The following AIM2 variants were observed in gnomAD, a reference collection of about 807,000 sequenced individuals.
The protein encoded by AIM2 is interferon-inducible protein AIM2.
AIM2 carries 30 observed loss-of-function variants against 27.7 expected under a neutral mutation model. That is an observed-to-expected ratio of 1.08 (90% CI 0.81 to 1.47). AIM2 has a LOEUF of 1.47. Ranked by LOEUF, AIM2 falls within the 40% of genes most tolerant of loss-of-function variation. The probability of loss-of-function intolerance (pLI) is 0.00; values close to 1 mark genes in which losing one functional copy is unlikely to be tolerated. For synonymous variants in AIM2, 141 were observed against 145.3 expected (o/e 0.97, Z 0.21); for missense variants, 358 against 411.3 (o/e 0.87, Z 1.12).
At chr1:159,116,498 C>T (rs1443207135) in intron 1 of AIM2, among the ~76,000 whole-genome samples, 1 of 152,096 alleles carries the variant, frequency 6.6e-6, no homozygotes, top group Non-Finnish European at 1.5e-5. Flanking sequence ...GAATACTATG[C>T]AGCCATAAAA....
At chr1:159,103,895 A>T (rs2102020919) in intron 1 of AIM2, among the ~76,000 whole-genome samples, 1 of 152,268 alleles carries the variant, frequency 6.6e-6, no homozygotes, top group Admixed American at 6.5e-5. Flanking sequence ...AGATTTAAAA[A>T]GTAATTGCAG....
intron 1 of AIM2, among the ~76,000 whole-genome samples, chr1:159,099,487 A>G (rs1029035796): frequency 4.6e-5 from 7 of 152,076 alleles, no homozygotes; most frequent in Non-Finnish European, 1.0e-4. Flanking sequence ...GTCACCATAG[A>G]CCTACTTTGT....
At chr1:159,121,618 G>T in intron 1 of AIM2, among the ~76,000 whole-genome samples, 1 of 152,084 alleles carries the variant, frequency 6.6e-6, no homozygotes, top group South Asian at 2.1e-4. Flanking sequence ...TTGGTTTTAG[G>T]TAGAAACCAC....
chr1:159,087,326 T>A (rs201252161), intron 1 of AIM2, among the ~76,000 whole-genome samples: 13 of 146,918 alleles, frequency 8.8e-5, no homozygotes, highest in Non-Finnish European at 9.0e-5. Context: ...GAGGTTGTGA[T>A]AAAAAAAAAA....
At chr1:159,132,765 T>C (rs1353809913) in intron 1 of AIM2, among the ~76,000 whole-genome samples, 1 of 152,204 alleles carries the variant, frequency 6.6e-6, no homozygotes, top group East Asian at 1.9e-4. Context: ...GAATTGCATC[T>C]GTTTATAAGA....
At chr1:159,059,673 T>C (rs1317933199), downstream of AIM2, among the ~76,000 whole-genome samples, 2 of 152,146 alleles carry the variant, frequency 1.3e-5, no homozygotes, top group East Asian at 1.9e-4. Context: ...TTGGAGTTAG[T>C]GTCATTTAGG....
At chr1:159,088,911 A>G (rs1014568480) in intron 1 of AIM2, among the ~76,000 whole-genome samples, 1 of 152,178 alleles carries the variant, frequency 6.6e-6, no homozygotes, top group Admixed American at 6.5e-5. Context: ...TTCTTTATAA[A>G]TTACCCAGTT....
chr1:159,146,233 C>T (rs1360423331), intron 1 of AIM2, among the ~76,000 whole-genome samples: 5 of 152,106 alleles, frequency 3.3e-5, no homozygotes, highest in South Asian at 2.1e-4. Context: ...CATGTCCCAT[C>T]AGATCTTTCT....
intron 1 of AIM2, among the ~76,000 whole-genome samples, chr1:159,102,799 T>C (rs1176791695): frequency 6.6e-6 from 1 of 152,240 alleles, no homozygotes; most frequent in Non-Finnish European, 1.5e-5. Flanking sequence ...TGTACCCTTA[T>C]TGAATCTAAG....
chr1:159,058,093 C>G (rs1272088881), downstream of AIM2, among the ~76,000 whole-genome samples: 1 of 152,142 alleles, frequency 6.6e-6, no homozygotes, highest in African/African-American at 2.4e-5. Context: ...GTGGCTCATG[C>G]CTCTAGACCC....
intron 1 of AIM2, among the ~76,000 whole-genome samples, chr1:159,110,726 C>T (rs866137982): frequency 6.6e-6 from 1 of 152,170 alleles, no homozygotes; most frequent in East Asian, 1.9e-4. Context: ...TTCTCTATTT[C>T]CTGCCCCTCT....
intron 1 of AIM2, among the ~76,000 whole-genome samples, chr1:159,125,609 C>T (rs917494599): frequency 6.6e-6 from 1 of 152,178 alleles, no homozygotes; most frequent in African/African-American, 2.4e-5. Context: ...AAATCTGCTA[C>T]TTAGAAGCTA....
At chr1:159,092,522 G>A (rs749534247) in intron 1 of AIM2, among the ~76,000 whole-genome samples, 3 of 152,168 alleles carry the variant, frequency 2.0e-5, no homozygotes, top group Non-Finnish European at 4.4e-5. Flanking sequence ...TGAAGGGTAA[G>A]GTGGGAGAGG....
chr1:159,126,648 CAAAAAA>C (rs35354479), intron 1 of AIM2, among the ~76,000 whole-genome samples: 1 of 113,682 alleles, frequency 8.8e-6, no homozygotes, highest in Non-Finnish European at 1.7e-5. Flanking sequence ...GACTACGTCT[CAAAAAA>C]AAAAAAAAAA....
chr1:159,124,201 TA>T (rs142103030), intron 1 of AIM2, among the ~76,000 whole-genome samples: 1 of 152,016 alleles, frequency 6.6e-6, no homozygotes, highest in South Asian at 2.1e-4. Context: ...TCTCTTTTTT[TA>T]AAAAAAATGA....
At chr1:159,093,503 G>A (rs1478221530) in intron 1 of AIM2, among the ~76,000 whole-genome samples, 1 of 152,058 alleles carries the variant, frequency 6.6e-6, no homozygotes, top group African/African-American at 2.4e-5. Flanking sequence ...CCCAGTCCCA[G>A]CAAGACTTTT....
intron 1 of AIM2, among the ~76,000 whole-genome samples, chr1:159,097,654 C>T (rs1260362624): frequency 1.3e-5 from 2 of 152,152 alleles, no homozygotes; most frequent in African/African-American, 4.8e-5. Context: ...CAAGTCCCTT[C>T]CCCTTCTATG....
upstream of AIM2, among the ~76,000 whole-genome samples, chr1:159,141,698 C>T (rs559815362): frequency 3.9e-5 from 6 of 152,216 alleles, no homozygotes; most frequent in South Asian, 1.3e-3. Flanking sequence ...ACCACACACA[C>T]AGCATCAGCA....
At chr1:159,126,636 G>C (rs1027029424) in intron 1 of AIM2, among the ~76,000 whole-genome samples, 1 of 124,372 alleles carries the variant, frequency 8.0e-6, no homozygotes, top group Non-Finnish European at 1.7e-5. Flanking sequence ...GTGACAGAGC[G>C]AGACTACGTC....
Sources: gnomAD v4.1 joint callset for allele counts (sites outside exome capture counted in the v4.1 genomes callset) on GRCh38, gnomAD v4.1.1 for gene constraint, MANE v1.5 for transcripts, NCBI Gene and HGNC (gene_info 2026-07-23, HGNC 2026-07-21) for gene names.